Variants in ZNF804B observed in about 807,000 individuals in gnomAD.
ZNF804B encodes the protein zinc finger 804B.
A neutral mutation model predicts 101.4 loss-of-function variants in ZNF804B; 80 were observed. That is an observed-to-expected ratio of 0.79 (90% confidence interval 0.66 to 0.95). The LOEUF (loss-of-function observed/expected upper bound fraction) is 0.95, where lower values mean the gene tolerates loss of function less well. Among genes scored for constraint, ZNF804B ranks in the 40% least tolerant of loss-of-function variants. The pLI, the probability that ZNF804B is intolerant of heterozygous loss-of-function variation, is 0.00. For synonymous variants in ZNF804B, 622 were observed against 558.8 expected (o/e 1.11, Z -1.59); for missense variants, 1,673 against 1,561.9 (o/e 1.07, Z -1.20).
intron 2 of ZNF804B, among the ~76,000 whole-genome samples, chr7:89,298,227 T>TAC (rs1790418082): frequency 1.0e-5 from 1 of 95,696 alleles, no homozygotes; most frequent in Non-Finnish European, 2.0e-5. Flanking sequence ...TATATATATA[T>TAC]ATATATATAT....
chr7:88,986,047 A>G (rs1793756570), intron 1 of ZNF804B, among the ~76,000 whole-genome samples: 1 of 152,162 alleles, frequency 6.6e-6, no homozygotes, highest in South Asian at 2.1e-4. Flanking sequence ...TCCTCCATTT[A>G]TAAAATGCTA....
intron 1 of ZNF804B, among the ~76,000 whole-genome samples, chr7:89,214,729 AC>A (rs1459893551): frequency 6.6e-6 from 1 of 152,192 alleles, no homozygotes; most frequent in Admixed American, 6.5e-5. Context: ...TATAGTTTTT[AC>A]CTCTTTACAT....
intron 1 of ZNF804B, among the ~76,000 whole-genome samples, chr7:88,854,775 C>A (rs1348677103): frequency 8.7e-6 from 1 of 115,024 alleles, no homozygotes; most frequent in Non-Finnish European, 1.7e-5. Context: ...CCACAACAGG[C>A]CCCAGTGTGT....
At chr7:89,214,975 A>T (rs1373877694) in intron 1 of ZNF804B, among the ~76,000 whole-genome samples, 1 of 152,212 alleles carries the variant, frequency 6.6e-6, no homozygotes, top group Non-Finnish European at 1.5e-5. Context: ...AAAACATGAA[A>T]TTACTAAATA....
At chr7:89,043,361 G>A (rs12673220) in intron 1 of ZNF804B, among the ~76,000 whole-genome samples, 46,119 of 152,052 alleles carry the variant, frequency 0.3, 7,328 homozygotes, top group East Asian at 0.51. Context: ...ATTAAACACA[G>A]TAGTCTTTGT....
At chr7:88,906,707 C>T (rs111371446) in intron 1 of ZNF804B, among the ~76,000 whole-genome samples, 3,195 of 151,998 alleles carry the variant, frequency 0.021, 116 homozygotes, top group African/African-American at 0.073. Flanking sequence ...AATGTATATT[C>T]TGGTTGTTGG....
At chr7:89,329,702 C>T (rs1368386537) in intron 3 of ZNF804B, among the ~76,000 whole-genome samples, 1 of 151,606 alleles carries the variant, frequency 6.6e-6, no homozygotes, top group African/African-American at 2.4e-5. Flanking sequence ...TAGTCCCTCT[C>T]TGTATGTGAA....
rs2522282 is a variant in ZNF804B at position 89,192,097 on chromosome 7, T to C, written c.109-26058T>C. On this transcript the variant is annotated intron_variant, in intron 1 of 3. Coordinates refer to ENST00000333190, the MANE Select transcript of ZNF804B (RefSeq NM_181646.5). ...GAGGATGAAAAATAAATTAGACTTATCATTAACTGTTAACAGTTTGTTGAG... is the reference window on the plus strand; with the variant it reads ...GAGGATGAAAAATAAATTAGACTTACCATTAACTGTTAACAGTTTGTTGAG... Among the ~76,000 whole-genome samples, 27 of 152,228 alleles carry C rather than the reference T, an allele frequency of 1.8e-4. No individual in the cohort carries two copies. In the East Asian group the frequency reaches 4.8e-3, roughly 27 times the overall value.
intron 1 of ZNF804B, among the ~76,000 whole-genome samples, chr7:89,094,765 A>G (rs1789947156): frequency 6.6e-6 from 1 of 152,160 alleles, no homozygotes. Flanking sequence ...GTATTGATAA[A>G]CCTATTCACA....
At chr7:89,152,408 G>A (rs899140612) in intron 1 of ZNF804B, among the ~76,000 whole-genome samples, 1 of 151,824 alleles carries the variant, frequency 6.6e-6, no homozygotes, top group African/African-American at 2.4e-5. Flanking sequence ...CAGAAGTTTA[G>A]AAAATTTTTC....
At chr7:88,804,151 T>A (rs1251764241) in intron 1 of ZNF804B, among the ~76,000 whole-genome samples, 2 of 152,092 alleles carry the variant, frequency 1.3e-5, no homozygotes, top group Non-Finnish European at 2.9e-5. Flanking sequence ...CAAAGCCAGG[T>A]TGCAAGCATT....
At chr7:89,136,746 T>C (rs1419771450) in intron 1 of ZNF804B, among the ~76,000 whole-genome samples, 3 of 111,250 alleles carry the variant, frequency 2.7e-5, no homozygotes, top group African/African-American at 9.0e-5. Flanking sequence ...AGTGTGTGTG[T>C]GTGTGTGTGT....
At chr7:88,895,199 T>C (rs1475717496) in intron 1 of ZNF804B, among the ~76,000 whole-genome samples, 1 of 152,232 alleles carries the variant, frequency 6.6e-6, no homozygotes, top group African/African-American at 2.4e-5. Flanking sequence ...TAGTTGACAA[T>C]GTTGGTTCTC....
chr7:89,018,848 G>A (rs1788613814), intron 1 of ZNF804B, among the ~76,000 whole-genome samples: 1 of 151,928 alleles, frequency 6.6e-6, no homozygotes, highest in Non-Finnish European at 1.5e-5. Flanking sequence ...AATGTCTCCT[G>A]TTTTATTCCT....
intron 1 of ZNF804B, among the ~76,000 whole-genome samples, chr7:88,882,079 T>C (rs1373595477): frequency 2.0e-5 from 3 of 152,122 alleles, no homozygotes; most frequent in Admixed American, 6.6e-5. Context: ...GGAGAAAACA[T>C]AACGAAAGCT....
At chr7:89,108,127 A>T (rs140228778) in intron 1 of ZNF804B, among the ~76,000 whole-genome samples, 22 of 152,240 alleles carry the variant, frequency 1.4e-4, no homozygotes, top group Admixed American at 3.3e-4. Flanking sequence ...AAAACAGGAC[A>T]TGTAGGCAAA....
chr7:89,117,401 A>G (rs930906697), intron 1 of ZNF804B, among the ~76,000 whole-genome samples: 22 of 152,334 alleles, frequency 1.4e-4, no homozygotes, highest in African/African-American at 5.1e-4. Context: ...CAAATTCAGT[A>G]TTAACCAATA....
intron 2 of ZNF804B, among the ~76,000 whole-genome samples, chr7:89,306,701 G>A (rs923994071): frequency 6.6e-6 from 1 of 151,938 alleles, no homozygotes; most frequent in Non-Finnish European, 1.5e-5. Flanking sequence ...AGGACTGGGT[G>A]TAGGGAAGAT....
In ZNF804B at chr7:89,314,756, C is replaced by G. The variant is rs145404668; in HGVS notation, c.250-12588C>G. 3.2e-3 allele frequency among the ~76,000 whole-genome samples: 489 copies of G among 152,212 alleles called. 2 individuals carry two copies. Among genetic ancestry groups the G allele is most frequent in the African/African-American group, 0.011 (460 of 41,552 alleles). On this transcript the variant is annotated intron_variant, in intron 2 of 3. Coordinates refer to ENST00000333190, the MANE Select transcript of ZNF804B (RefSeq NM_181646.5). ...AAGTGACAGAAACAAAATATAAACT[C>G]GGATCTGCCTGATTTGGGATGGTTT...
Sources: gnomAD v4.1 joint callset for allele counts (sites outside exome capture counted in the v4.1 genomes callset) on GRCh38, gnomAD v4.1.1 for gene constraint, MANE v1.5 for transcripts, NCBI Gene and HGNC (gene_info 2026-07-23, HGNC 2026-07-21) for gene names.